The following DGKB variants were observed in gnomAD, a reference collection of about 807,000 sequenced individuals.
DGKB encodes the protein diacylglycerol kinase beta.
Under a neutral mutation model 114.3 loss-of-function variants are expected in DGKB, and 67 were observed. That is an observed-to-expected ratio of 0.59 (90% confidence interval 0.48 to 0.72). The LOEUF (loss-of-function observed/expected upper bound fraction) is 0.72. DGKB is among the 30% of genes least tolerant of loss of function. The pLI is 0.00. For missense variants in DGKB, 907 were observed against 975.2 expected, an observed-to-expected ratio of 0.93 and a Z score of 0.93; for synonymous variants, 398 against 323.1, an observed-to-expected ratio of 1.23 and a Z score of -2.49.
intron 20 of DGKB, among the ~76,000 whole-genome samples, chr7:14,545,392 C>T (rs899962505): frequency 5.4e-4 from 82 of 152,208 alleles, no homozygotes; most frequent in African/African-American, 2.0e-3. Context: ...AATATATTGC[C>T]AAAAGCATGG....
upstream of DGKB, among the ~76,000 whole-genome samples, chr7:14,906,697 C>A (rs1783728797): frequency 6.6e-6 from 1 of 152,056 alleles, no homozygotes; most frequent in East Asian, 1.9e-4. Context: ...GTGATCCACC[C>A]ACGTTGGCCT....
intron 8 of DGKB, among the ~76,000 whole-genome samples, chr7:14,695,559 G>A (rs1486490616): frequency 7.2e-6 from 1 of 138,106 alleles, no homozygotes; most frequent in Non-Finnish European, 1.5e-5. Context: ...GAGTGCTGTG[G>A]CGCAATCTGG....
intron 23 of DGKB, among the ~76,000 whole-genome samples, chr7:14,267,780 T>C (rs989765253): frequency 3.3e-5 from 5 of 152,118 alleles, no homozygotes; most frequent in Non-Finnish European, 5.9e-5. Flanking sequence ...TGAGCCACCG[T>C]TCCCGGCCTA....
chr7:14,901,605 A>AACCCCCCCCCCCCCCCCCCCCCCCCCCC (rs1562855781), intron 1 of DGKB, among the ~76,000 whole-genome samples: 1 of 123,092 alleles, frequency 8.1e-6, no homozygotes, highest in African/African-American at 3.1e-5. Context: ...AGGGATTTCC[A>AACCCCCCCCCCCCCCCCCCCCCCCCCCC]CCCCCCCCCA....
chr7:14,935,105 C>A (rs1244464168), intron 1 of DGKB, among the ~76,000 whole-genome samples: 1 of 152,088 alleles, frequency 6.6e-6, no homozygotes, highest in Non-Finnish European at 1.5e-5. Flanking sequence ...TGGGGCCTGT[C>A]TCTTTATGTG....
intron 6 of DGKB, among the ~76,000 whole-genome samples, chr7:14,714,101 ACACACACAC>A (rs1399061319): frequency 1.3e-4 from 20 of 149,936 alleles, no homozygotes; most frequent in African/African-American, 4.5e-4. Flanking sequence ...ACACACACAC[ACACACACAC>A]TGATGTAGGT....
At chr7:14,541,152 G>A (rs1279369249) in intron 20 of DGKB, among the ~76,000 whole-genome samples, 1 of 151,126 alleles carries the variant, frequency 6.6e-6, no homozygotes, top group Non-Finnish European at 1.5e-5. Context: ...GTGATGCCAT[G>A]TCCAAAGATC....
intron 23 of DGKB, among the ~76,000 whole-genome samples, chr7:14,228,777 A>G (rs1232859118): frequency 6.6e-6 from 1 of 152,064 alleles, no homozygotes; most frequent in South Asian, 2.1e-4. Flanking sequence ...TGCTCTGGAC[A>G]TATTAAAACA....
intron 5 of DGKB, among the ~76,000 whole-genome samples, chr7:14,722,876 C>G (rs536982513): frequency 6.6e-6 from 1 of 151,908 alleles, no homozygotes; most frequent in South Asian, 2.1e-4. Flanking sequence ...CTACCACCTC[C>G]CCAAGATCAG....
rs562853033 is a variant in DGKB, at chr7:14,769,280, A to AAGAAAG, written c.71-11550_71-11549insCTTTCT. Among the ~76,000 whole-genome samples the AAGAAAG allele has an allele frequency of 7.5e-5, 11 of 147,392 alleles. No homozygotes were observed. The East Asian group carries it at 1.6e-3, about 22-fold the overall frequency. Reference sequence around the variant, plus strand: ...AAAGAAAGAAAGAAAGAAAGAAAGAAAGATTTTGTAAAGGAGTTTAGTTAC... The same window carrying AAGAAAG: ...AAAGAAAGAAAGAAAGAAAGAAAGAAAGAAAGAGATTTTGTAAAGGAGTTTAGTTAC... On this transcript the variant is annotated intron_variant, in intron 2 of 25. Coordinates refer to ENST00000402815, the MANE Select transcript of DGKB (RefSeq NM_001350709.2).
chr7:14,155,817 C>T (rs191100592), intron 25 of DGKB, among the ~76,000 whole-genome samples: 276 of 152,100 alleles, frequency 1.8e-3, no homozygotes, highest in Middle Eastern at 0.017. Flanking sequence ...GGGGTGAAAA[C>T]CAGGAAGTTG....
chr7:14,346,842 A>G (rs1293366327), intron 21 of DGKB, among the ~76,000 whole-genome samples: 1 of 151,986 alleles, frequency 6.6e-6, no homozygotes, highest in Non-Finnish European at 1.5e-5. Context: ...CTACAGATGG[A>G]GAGAAAAATA....
chr7:14,808,587 A>C (rs1304003549), intron 2 of DGKB, among the ~76,000 whole-genome samples: 1 of 152,132 alleles, frequency 6.6e-6, no homozygotes, highest in East Asian at 1.9e-4. Context: ...CACAAGATAA[A>C]GACTTGATGG....
chr7:14,289,523 T>C (rs1247404169), intron 23 of DGKB, among the ~76,000 whole-genome samples: 1 of 152,146 alleles, frequency 6.6e-6, no homozygotes, highest in African/African-American at 2.4e-5. Flanking sequence ...ATGATGTATA[T>C]TGTCTAATAA....
chr7:14,462,585 T>C (rs1833245097), intron 21 of DGKB, among the ~76,000 whole-genome samples: 1 of 151,832 alleles, frequency 6.6e-6, no homozygotes, highest in Admixed American at 6.6e-5. Flanking sequence ...CTCAGGGAAA[T>C]AGGAGAGGAC....
At chr7:14,973,153 A>C (rs900897249) in intron 1 of DGKB, among the ~76,000 whole-genome samples, 1 of 152,028 alleles carries the variant, frequency 6.6e-6, no homozygotes, top group East Asian at 1.9e-4. Flanking sequence ...CTAAAAATAC[A>C]AGTCTGAAAT....
intron 20 of DGKB, among the ~76,000 whole-genome samples, chr7:14,567,186 T>C (rs1365472178): frequency 1.1e-5 from 1 of 90,900 alleles, no homozygotes; most frequent in Non-Finnish European, 2.0e-5. Context: ...TATATAATTA[T>C]ATATTTATAT....
At chr7:14,318,210 C>CCTAGGACAT (rs1806997030) in intron 23 of DGKB, among the ~76,000 whole-genome samples, 1 of 125,772 alleles carries the variant, frequency 8.0e-6, no homozygotes, top group African/African-American at 2.9e-5. Context: ...CATTACCATT[C>CCTAGGACAT]AGGACATAGG....
intron 23 of DGKB, among the ~76,000 whole-genome samples, chr7:14,269,553 T>C (rs1172002851): frequency 6.6e-6 from 1 of 152,188 alleles, no homozygotes; most frequent in Non-Finnish European, 1.5e-5. Flanking sequence ...GAATTCACTA[T>C]TTCCCTGACT....
Sources: allele counts gnomAD v4.1 joint callset (sites outside exome capture counted in the v4.1 genomes callset), GRCh38; gene constraint gnomAD v4.1.1; transcripts MANE v1.5; gene names NCBI Gene and HGNC (gene_info 2026-07-23, HGNC 2026-07-21).